The following CSGALNACT1 variants were observed in gnomAD, a reference collection of about 807,000 sequenced individuals.
CSGALNACT1 encodes beta4GalNAcT-1.
In CSGALNACT1, 52 loss-of-function variants were observed where a neutral mutation model predicts 51.0. The ratio of observed to expected loss-of-function variants is 1.02; its 90% CI spans 0.82 to 1.29. The LOEUF (loss-of-function observed/expected upper bound fraction) is 1.29. Among genes scored for constraint, CSGALNACT1 ranks in the 50% most tolerant of loss-of-function variants. CSGALNACT1 has a pLI of 0.00. For synonymous variants in CSGALNACT1, 341 were observed against 254.4 expected, an observed-to-expected ratio of 1.34 and a Z score of -3.24; for missense variants, 935 against 679.2, an observed-to-expected ratio of 1.38 and a Z score of -4.19.
chr8:19,722,912 G>C (rs1055733203), intron 1 of CSGALNACT1, among the ~76,000 whole-genome samples: 1 of 152,188 alleles, frequency 6.6e-6, no homozygotes, highest in Non-Finnish European at 1.5e-5. Flanking sequence ...CAAGTACAAC[G>C]ATTTCCCAAA....
At chr8:19,656,607 C>A (rs1056925375) in intron 1 of CSGALNACT1, among the ~76,000 whole-genome samples, 3 of 139,654 alleles carry the variant, frequency 2.1e-5, no homozygotes, top group African/African-American at 8.0e-5. Context: ...CCCCCACACA[C>A]ACACACGAGA....
At chr8:19,537,026 A>G (rs1239250319) in intron 3 of CSGALNACT1, among the ~76,000 whole-genome samples, 1 of 152,126 alleles carries the variant, frequency 6.6e-6, no homozygotes, top group Non-Finnish European at 1.5e-5. Flanking sequence ...CTCTTGGCCA[A>G]TGGGATCCCA....
chr8:19,606,774 A>G (rs2051432756), upstream of CSGALNACT1, among the ~76,000 whole-genome samples: 1 of 152,230 alleles, frequency 6.6e-6, no homozygotes, highest in South Asian at 2.1e-4. Context: ...AAATTATGCT[A>G]CTAAATTACT....
chr8:19,627,804 G>T (rs774144595), intron 1 of CSGALNACT1, among the ~76,000 whole-genome samples: 1 of 152,166 alleles, frequency 6.6e-6, no homozygotes, highest in African/African-American at 2.4e-5. Flanking sequence ...CAGCACCTGG[G>T]TGACAGAGCA....
intron 8 of CSGALNACT1, 59 bp downstream of exon 7, chr8:19,418,597 C>T: frequency 9.0e-7 from 1 of 1,114,178 alleles, no homozygotes; most frequent in South Asian, 1.2e-5. Context: ...TCAGGTACCC[C>T]TGGTAATGAC....
At chr8:19,630,945 C>A (rs180901565) in intron 1 of CSGALNACT1, among the ~76,000 whole-genome samples, 2 of 152,162 alleles carry the variant, frequency 1.3e-5, no homozygotes, top group African/African-American at 2.4e-5. Flanking sequence ...TTTGTTACAA[C>A]TGACGAGCCA....
chr8:19,511,959 C>A (rs180797023), intron 3 of CSGALNACT1, among the ~76,000 whole-genome samples: 1 of 152,152 alleles, frequency 6.6e-6, no homozygotes, highest in African/African-American at 2.4e-5. Context: ...ATGATGAGAA[C>A]AGCAAGTGGG....
At chr8:19,744,800 C>T (rs926966626) in intron 1 of CSGALNACT1, among the ~76,000 whole-genome samples, 1 of 152,168 alleles carries the variant, frequency 6.6e-6, no homozygotes, top group Non-Finnish European at 1.5e-5. Flanking sequence ...TATTAAATTG[C>T]TACATTTACT....
At chr8:19,563,031 T>G (rs549052773) in intron 3 of CSGALNACT1, among the ~76,000 whole-genome samples, 1 of 152,284 alleles carries the variant, frequency 6.6e-6, no homozygotes, top group Admixed American at 6.5e-5. Flanking sequence ...TCAACCCAAA[T>G]GCCCATCAAT....
intron 1 of CSGALNACT1, among the ~76,000 whole-genome samples, chr8:19,717,411 A>G (rs1372956926): frequency 1.3e-5 from 2 of 152,206 alleles, no homozygotes; most frequent in East Asian, 1.9e-4. Flanking sequence ...TAGCCACACC[A>G]AAAGGTTACT....
At chr8:19,551,887 G>A (rs557356236) in intron 3 of CSGALNACT1, among the ~76,000 whole-genome samples, 42 of 152,144 alleles carry the variant, frequency 2.8e-4, no homozygotes, top group African/African-American at 9.4e-4. Flanking sequence ...TGTTCCAATT[G>A]TCCTATATAA....
At chr8:19,666,202 G>T (rs574152353) in intron 1 of CSGALNACT1, among the ~76,000 whole-genome samples, 48 of 152,306 alleles carry the variant, frequency 3.2e-4, no homozygotes, top group African/African-American at 1.1e-3. Flanking sequence ...TTCTAACAGT[G>T]TTCTTGCCAC....
chr8:19,624,177 T>C (rs994450686), intron 1 of CSGALNACT1, among the ~76,000 whole-genome samples: 1 of 152,202 alleles, frequency 6.6e-6, no homozygotes, highest in African/African-American at 2.4e-5. Flanking sequence ...CCTCTGAGAT[T>C]ATCTACCATC....
chr8:19,658,800 C>T (rs2058516965), intron 1 of CSGALNACT1, among the ~76,000 whole-genome samples: 1 of 152,170 alleles, frequency 6.6e-6, no homozygotes, highest in African/African-American at 2.4e-5. Context: ...TCCATATTTT[C>T]ATTAGCTATG....
At chr8:19,556,051 G>A (rs963778390) in intron 3 of CSGALNACT1, among the ~76,000 whole-genome samples, 2 of 152,118 alleles carry the variant, frequency 1.3e-5, no homozygotes, top group African/African-American at 4.8e-5. Flanking sequence ...GATGACAAGC[G>A]CAAGCAACAT....
chr8:19,447,897 A>G (rs959686419), intron 5 of CSGALNACT1, among the ~76,000 whole-genome samples: 12 of 152,222 alleles, frequency 7.9e-5, no homozygotes, highest in Non-Finnish European at 1.3e-4. Flanking sequence ...AACTATGAGG[A>G]TACTGGGAGC....
At chr8:19,746,425 C>T in intron 1 of CSGALNACT1, among the ~76,000 whole-genome samples, 1 of 152,276 alleles carries the variant, frequency 6.6e-6, no homozygotes, top group East Asian at 1.9e-4. Flanking sequence ...CAGAGCCCAT[C>T]ACGTGCAGAT....
At chr8:19,490,792 G>C (rs1172527842) in intron 4 of CSGALNACT1, among the ~76,000 whole-genome samples, 1 of 152,120 alleles carries the variant, frequency 6.6e-6, no homozygotes, top group Admixed American at 6.5e-5. Flanking sequence ...TTGGTATTTA[G>C]GGTAAAGACT....
chr8:19,668,046 A>T (rs73214696), intron 1 of CSGALNACT1, among the ~76,000 whole-genome samples: 3,237 of 152,332 alleles, frequency 0.021, 52 homozygotes, highest in South Asian at 0.047. Flanking sequence ...AAACTTGACC[A>T]GCATATATTA....
Sources: allele counts gnomAD v4.1 joint callset (sites outside exome capture counted in the v4.1 genomes callset), GRCh38; gene constraint gnomAD v4.1.1; transcripts MANE v1.5; gene names NCBI Gene and HGNC (gene_info 2026-07-23, HGNC 2026-07-21).